Variants in SYNPO2 observed in about 807,000 individuals in gnomAD.
SYNPO2 encodes synaptopodin 2.
Under a neutral mutation model 85.0 loss-of-function variants are expected in SYNPO2, and 56 were observed. That is an observed-to-expected ratio of 0.66 (90% confidence interval 0.53 to 0.82). The LOEUF (loss-of-function observed/expected upper bound fraction) is 0.82, where lower values mean the gene tolerates loss of function less well. SYNPO2 is among the 40% of genes least tolerant of loss of function. The pLI is 0.00. For missense variants in SYNPO2, 1,575 were observed against 1,534.2 expected (o/e 1.03, Z -0.44); for synonymous variants, 602 against 591.1 (o/e 1.02, Z -0.27).
intron 1 of SYNPO2, among the ~76,000 whole-genome samples, chr4:118,963,733 C>T (rs1185279698): frequency 6.6e-6 from 1 of 152,196 alleles, no homozygotes; most frequent in African/African-American, 2.4e-5. Context: ...TTAGTACATG[C>T]TGTTATGATT....
intron 1 of SYNPO2, among the ~76,000 whole-genome samples, chr4:118,908,330 C>A (rs545038004): frequency 6.6e-6 from 1 of 152,220 alleles, no homozygotes; most frequent in South Asian, 2.1e-4. Context: ...TTGGCCAATA[C>A]AGATTTCTTT....
intron 1 of SYNPO2, among the ~76,000 whole-genome samples, chr4:118,914,738 A>G (rs1028620749): frequency 1.3e-5 from 2 of 152,158 alleles, no homozygotes; most frequent in Non-Finnish European, 2.9e-5. Flanking sequence ...AAGACAGCAA[A>G]TAAAATGTAA....
At chr4:119,038,662 A>G in intron 4 of SYNPO2, 2 of 770,084 alleles carry the variant, frequency 2.6e-6, no homozygotes, top group Non-Finnish European at 3.2e-6. Context: ...AATTCTAAAC[A>G]GAATAACGCT....
intron 1 of SYNPO2, among the ~76,000 whole-genome samples, chr4:118,946,858 A>T (rs182470761): frequency 3.1e-4 from 47 of 152,328 alleles, no homozygotes; most frequent in African/African-American, 1.1e-3. Context: ...GAAATTAATA[A>T]AGGTTTTTTC....
At chr4:118,989,168 C>G (rs1036673680) in intron 1 of SYNPO2, among the ~76,000 whole-genome samples, 1 of 152,220 alleles carries the variant, frequency 6.6e-6, no homozygotes, top group Non-Finnish European at 1.5e-5. Context: ...TTGGTTCCGG[C>G]TGCACTCAGC....
intron 1 of SYNPO2, among the ~76,000 whole-genome samples, chr4:118,910,476 T>G (rs776072437): frequency 3.6e-4 from 55 of 152,344 alleles, no homozygotes; most frequent in Admixed American, 3.4e-3. Context: ...TGTTTAGAAG[T>G]TACTTGTTTA....
intron 1 of SYNPO2, among the ~76,000 whole-genome samples, chr4:118,906,205 T>C (rs1394670137): frequency 6.6e-6 from 1 of 152,150 alleles, no homozygotes; most frequent in Non-Finnish European, 1.5e-5. Context: ...TTTGCTGAGG[T>C]TTTGCTTTTT....
At chr4:118,997,769 T>A (rs572299480) in intron 1 of SYNPO2, among the ~76,000 whole-genome samples, 4 of 152,342 alleles carry the variant, frequency 2.6e-5, no homozygotes, top group Admixed American at 2.6e-4. Flanking sequence ...CTTTTCTAAT[T>A]TCTATTTCTA....
chr4:118,982,498 AAAGAGGGGG>A (rs958192724), intron 1 of SYNPO2, among the ~76,000 whole-genome samples: 12 of 152,142 alleles, frequency 7.9e-5, no homozygotes, highest in South Asian at 4.2e-4. Flanking sequence ...AGAGAAAATA[AAAGAGGGGG>A]AAGAGAAGAG....
chr4:118,872,591 T>A (rs570359355), intron 1 of SYNPO2, among the ~76,000 whole-genome samples: 1 of 152,296 alleles, frequency 6.6e-6, no homozygotes, highest in South Asian at 2.1e-4. Context: ...TTTACGCAGA[T>A]AAGACTTCTA....
intron 3 of SYNPO2, among the ~76,000 whole-genome samples, chr4:119,027,783 G>C (rs907236972): frequency 1.3e-5 from 2 of 152,134 alleles, no homozygotes; most frequent in African/African-American, 4.8e-5. Context: ...GAAAGCACTT[G>C]AAGTCATGTG....
intron 1 of SYNPO2, among the ~76,000 whole-genome samples, chr4:119,014,364 A>G (rs1343090088): frequency 6.6e-6 from 1 of 152,190 alleles, no homozygotes; most frequent in Non-Finnish European, 1.5e-5. Context: ...CAGCGAGCCA[A>G]GATTGCGTCT....
At chr4:118,949,983 A>G (rs1207598709) in intron 1 of SYNPO2, among the ~76,000 whole-genome samples, 1 of 152,226 alleles carries the variant, frequency 6.6e-6, no homozygotes, top group East Asian at 1.9e-4. Flanking sequence ...ATTTGAAGCT[A>G]TGAGGCCACT....
At chr4:118,852,320 A>G (rs2110560135) in intron 1 of SYNPO2, among the ~76,000 whole-genome samples, 1 of 152,352 alleles carries the variant, frequency 6.6e-6, no homozygotes, top group Non-Finnish European at 1.5e-5. Flanking sequence ...GTGATTCCTC[A>G]AAGACCTAAA....
intron 1 of SYNPO2, among the ~76,000 whole-genome samples, chr4:119,023,097 A>G (rs1050988431): frequency 1.1e-4 from 16 of 152,190 alleles, no homozygotes; most frequent in Admixed American, 9.8e-4. Flanking sequence ...TTTTAATGCC[A>G]TCAATGTAAG....
At chr4:118,972,734 G>A (rs1735583428) in intron 1 of SYNPO2, among the ~76,000 whole-genome samples, 2 of 152,298 alleles carry the variant, frequency 1.3e-5, no homozygotes, top group Non-Finnish European at 2.9e-5. Flanking sequence ...ACAATTTTAA[G>A]TTATACATCT....
intron 1 of SYNPO2, chr4:119,005,960 T>C (rs1410279180): frequency 6.6e-6 from 1 of 152,266 alleles, no homozygotes; most frequent in African/African-American, 2.4e-5. Context: ...TGGTTTCCTA[T>C]TGAACCACTG....
At position 118,943,954 on chromosome 4, in the gene SYNPO2, G is replaced by A. The variant is rs34681260; in HGVS notation, c.105+54813G>A. On this transcript the variant is annotated intron_variant, in intron 1 of 4. Coordinates refer to ENST00000307142, the MANE Select transcript of SYNPO2 (RefSeq NM_133477.3). The stretch of plus-strand genomic sequence containing the variant: ...GTTGCTTTCAGTGCTACATACCTAC[G>A]TGGAAGTAACGCCACATTTGTGTAC... Among the ~76,000 whole-genome samples, 623 of 152,234 alleles carry A rather than the reference G, an allele frequency of 4.1e-3. 6 individuals carry two copies. The highest frequency in any genetic ancestry group is 6.6e-3 in the Non-Finnish European group (447 of 68,018).
intron 4 of SYNPO2, chr4:119,032,422 G>A: frequency 8.9e-7 from 1 of 1,120,858 alleles, no homozygotes; most frequent in Non-Finnish European, 1.1e-6. Flanking sequence ...CTCCTATGGT[G>A]AAAGGTTCAA....
Sources: allele counts gnomAD v4.1 joint callset (sites outside exome capture counted in the v4.1 genomes callset), GRCh38; gene constraint gnomAD v4.1.1; transcripts MANE v1.5; gene names NCBI Gene and HGNC (gene_info 2026-07-23, HGNC 2026-07-21).